GPR39: variants seen among roughly 807,000 people sequenced by gnomAD.
The protein encoded by GPR39 is zinc sensing receptor.
Under a neutral mutation model 18.4 loss-of-function variants are expected in GPR39, and 23 were observed. The observed-to-expected ratio is 1.25, with a 90% CI of 0.90 to 1.77. The LOEUF (loss-of-function observed/expected upper bound fraction) is 1.77, where lower values mean the gene tolerates loss of function less well. Ranked by LOEUF, GPR39 falls within the 40% of genes most tolerant of loss-of-function variation. GPR39 has a pLI of 0.00. For missense variants in GPR39, 647 were observed against 602.4 expected, an observed-to-expected ratio of 1.07 and a Z score of -0.78; for synonymous variants, 280 against 257.9, an observed-to-expected ratio of 1.09 and a Z score of -0.82.
intron 1 of GPR39, among the ~76,000 whole-genome samples, chr2:132,461,724 G>A (rs1042471145): frequency 4.6e-5 from 7 of 152,176 alleles, no homozygotes; most frequent in African/African-American, 1.7e-4. Context: ...TAATCATGAA[G>A]CATTTACTAA....
At chr2:132,548,982 G>GTGTGTA (rs1197617458) in intron 1 of GPR39, among the ~76,000 whole-genome samples, 2 of 152,206 alleles carry the variant, frequency 1.3e-5, no homozygotes, top group Admixed American at 6.5e-5. Context: ...AGATACGTGT[G>GTGTGTA]TGTGTATGTG....
intron 1 of GPR39, among the ~76,000 whole-genome samples, chr2:132,588,858 A>G (rs1258667439): frequency 6.6e-6 from 1 of 152,190 alleles, no homozygotes; most frequent in African/African-American, 2.4e-5. Context: ...CACACATTGT[A>G]GAAGAGGCTG....
At chr2:132,640,016 G>A (rs1681831038) in intron 1 of GPR39, among the ~76,000 whole-genome samples, 1 of 152,090 alleles carries the variant, frequency 6.6e-6, no homozygotes, top group African/African-American at 2.4e-5. Flanking sequence ...AGGAGATCTT[G>A]GGCAAATCAC....
intron 1 of GPR39, among the ~76,000 whole-genome samples, chr2:132,420,755 A>G (rs1041253395): frequency 3.9e-5 from 6 of 152,210 alleles, no homozygotes; most frequent in African/African-American, 1.4e-4. Flanking sequence ...GAGGAAGCCC[A>G]TGTAAAAAAT....
intron 1 of GPR39, among the ~76,000 whole-genome samples, chr2:132,634,822 GT>G (rs1487484833): frequency 3.9e-5 from 6 of 152,164 alleles, no homozygotes; most frequent in African/African-American, 1.4e-4. Flanking sequence ...GGTAAACAGG[GT>G]TTTCTGTGTC....
intron 1 of GPR39, among the ~76,000 whole-genome samples, chr2:132,567,489 C>G (rs772827978): frequency 6.6e-6 from 1 of 152,216 alleles, no homozygotes; most frequent in Non-Finnish European, 1.5e-5. Flanking sequence ...CCAGCCCTCT[C>G]TCTGTGCGAT....
intron 1 of GPR39, among the ~76,000 whole-genome samples, chr2:132,436,842 G>A (rs1479667753): frequency 6.6e-6 from 1 of 152,116 alleles, no homozygotes; most frequent in African/African-American, 2.4e-5. Context: ...TCCTCATCCC[G>A]CAGCGTGGTT....
intron 1 of GPR39, among the ~76,000 whole-genome samples, chr2:132,584,273 A>G (rs1270233645): frequency 6.6e-6 from 1 of 152,128 alleles, no homozygotes; most frequent in African/African-American, 2.4e-5. Flanking sequence ...TGTATGCGTG[A>G]AGTCTTAGAG....
intron 1 of GPR39, among the ~76,000 whole-genome samples, chr2:132,596,654 CTT>C (rs1680955023): frequency 6.6e-6 from 1 of 152,126 alleles, no homozygotes; most frequent in Non-Finnish European, 1.5e-5. Flanking sequence ...TTTTTCAACT[CTT>C]TGTCTCTCAT....
At chr2:132,611,918 T>G (rs548798377) in intron 1 of GPR39, among the ~76,000 whole-genome samples, 126 of 152,322 alleles carry the variant, frequency 8.3e-4, no homozygotes, top group African/African-American at 2.9e-3. Flanking sequence ...GCTGAATAAA[T>G]TGAATGCCCT....
At chr2:132,611,648 G>T in intron 1 of GPR39, among the ~76,000 whole-genome samples, 1 of 150,534 alleles carries the variant, frequency 6.6e-6, no homozygotes, top group African/African-American at 2.4e-5. Context: ...AAAAAGTGGA[G>T]CTTCATGGCT....
chr2:132,467,993 G>A (rs1680962044), intron 1 of GPR39, among the ~76,000 whole-genome samples: 1 of 152,112 alleles, frequency 6.6e-6, no homozygotes, highest in African/African-American at 2.4e-5. Context: ...TCCCTCAAGG[G>A]TCTTGTAATA....
At chr2:132,483,594 A>T (rs1425844622) in intron 1 of GPR39, among the ~76,000 whole-genome samples, 1 of 152,234 alleles carries the variant, frequency 6.6e-6, no homozygotes, top group East Asian at 1.9e-4. Context: ...GAGCCTGGTA[A>T]CAGGCTGGTC....
intron 1 of GPR39, among the ~76,000 whole-genome samples, chr2:132,493,511 T>TATATATACACCATATATATATATACACC (rs1558815488): frequency 1.4e-5 from 2 of 140,526 alleles, no homozygotes; most frequent in African/African-American, 5.6e-5. Flanking sequence ...ACACCATATA[T>TATATATACACCATATATATATATACACC]ATATATATAT....
At chr2:132,591,267 AAAAAAAAAAAC>A (rs1396310994) in intron 1 of GPR39, among the ~76,000 whole-genome samples, 1 of 121,138 alleles carries the variant, frequency 8.3e-6, no homozygotes, top group Non-Finnish European at 1.6e-5. Flanking sequence ...CAAAAAAAAA[AAAAAAAAAAAC>A]AAAAAAAAAC....
At chr2:132,618,340 T>A (rs1306267872) in intron 1 of GPR39, among the ~76,000 whole-genome samples, 1 of 152,348 alleles carries the variant, frequency 6.6e-6, no homozygotes, top group East Asian at 1.9e-4. Context: ...GTTCCCTCTT[T>A]CACTCAGACT....
chr2:132,435,194 T>C (rs1333183553), intron 1 of GPR39, among the ~76,000 whole-genome samples: 1 of 152,118 alleles, frequency 6.6e-6, no homozygotes, highest in Non-Finnish European at 1.5e-5. Context: ...TTATGGTGTA[T>C]TTCTGTAAAG....
intron 1 of GPR39, among the ~76,000 whole-genome samples, chr2:132,610,002 T>C (rs750473128): frequency 1.1e-3 from 167 of 152,056 alleles, no homozygotes; most frequent in Non-Finnish European, 2.0e-3. Flanking sequence ...CCTGTTCATT[T>C]GCCAAGACTC....
rs779932612 is a variant in GPR39 at position 132,417,085 on chromosome 2, A to G, written c.43A>G (p.Ile15Val). The stretch of plus-strand genomic sequence containing the variant: ...CCCGGGCAGTGACTGCTCCCAAATC[A>G]TTGATCACAGTCATGTCCCCGAGTT... Reference protein sequence around the residue: ...SLPGSDCSQIIDHSHVPEFEV... With the variant: ...SLPGSDCSQIVDHSHVPEFEV... The change falls in exon 1 of 2, where the codon ATT becomes GTT. Residue 15 changes from isoleucine to valine, a missense_variant. Ile to Val is a conservative substitution (Grantham distance 29). Around this residue, in one of 3 missense-constraint regions of GPR39, gnomAD observed 61 missense variants for 79.2 expected, o/e 0.77. Transcript: ENST00000329321. The G allele has an allele frequency of 1.1e-5, 17 of 1,614,166 alleles. No homozygotes were observed. The South Asian group carries it at 1.9e-4, about 18-fold the overall frequency.
Sources: gnomAD v4.1 joint callset for allele counts (sites outside exome capture counted in the v4.1 genomes callset) on GRCh38, gnomAD v4.1.1 for gene constraint, gnomAD v4.1.1 regional missense constraint, MANE v1.5 for transcripts, NCBI Gene and HGNC (gene_info 2026-07-23, HGNC 2026-07-21) for gene names.